Variants in CAMKMT observed in about 807,000 individuals in gnomAD.
CAMKMT encodes calmodulin-lysine N-methyltransferase, also known as CaM KMT.
A neutral mutation model predicts 48.0 loss-of-function variants in CAMKMT; 53 were observed. The ratio of observed to expected loss-of-function variants is 1.10; its 90% CI spans 0.89 to 1.39. CAMKMT has a LOEUF of 1.39. CAMKMT is among the 40% of genes most tolerant of loss of function. The pLI, the probability that CAMKMT is intolerant of heterozygous loss-of-function variation, is 0.00. For missense variants in CAMKMT, 428 were observed against 402.7 expected (o/e 1.06, Z -0.54); for synonymous variants, 165 against 152.3 (o/e 1.08, Z -0.61).
chr2:44,711,310 C>A (rs188838321), intron 6 of CAMKMT, among the ~76,000 whole-genome samples: 1 of 152,252 alleles, frequency 6.6e-6, no homozygotes, highest in Non-Finnish European at 1.5e-5. Context: ...CATGTCATTA[C>A]AGGTGCTAAA....
intron 3 of CAMKMT, among the ~76,000 whole-genome samples, chr2:44,702,367 C>T (rs1677304270): frequency 6.6e-6 from 1 of 152,178 alleles, no homozygotes; most frequent in East Asian, 1.9e-4. Context: ...CATATTCTCT[C>T]TTCCACTCTT....
chr2:44,639,396 C>T (rs1244951778), intron 3 of CAMKMT, among the ~76,000 whole-genome samples: 3 of 152,192 alleles, frequency 2.0e-5, no homozygotes, highest in African/African-American at 7.2e-5. Flanking sequence ...GTTAAGAGCA[C>T]AGATGCTGGA....
intron 3 of CAMKMT, among the ~76,000 whole-genome samples, chr2:44,641,569 T>A (rs1673455114): frequency 7.4e-6 from 1 of 134,760 alleles, no homozygotes. Flanking sequence ...TATATATATA[T>A]AATTTTGAGA....
chr2:44,651,157 A>G (rs912199274), intron 3 of CAMKMT, among the ~76,000 whole-genome samples: 1 of 152,234 alleles, frequency 6.6e-6, no homozygotes, highest in Admixed American at 6.5e-5. Flanking sequence ...TGTTCATTCA[A>G]TTGATGTTTC....
chr2:44,461,027 G>C (rs1250735772), intron 3 of CAMKMT, among the ~76,000 whole-genome samples: 1 of 152,076 alleles, frequency 6.6e-6, no homozygotes, highest in African/African-American at 2.4e-5. Flanking sequence ...CCTGCCCTGA[G>C]TGACAGATTC....
In CAMKMT at chr2:44,772,205, C is replaced by T. The variant is rs752429529; in HGVS notation, c.*92C>T. Reference sequence around the variant, plus strand: ...AATCTGTAAGGGGTATAATCGCCTGCCTGCGCCCTTTGCAGCATTTCACGT... The same window carrying T: ...AATCTGTAAGGGGTATAATCGCCTGTCTGCGCCCTTTGCAGCATTTCACGT... On this transcript the variant is annotated 3_prime_UTR_variant, in exon 11 of 11. Transcript: ENST00000378494. The T allele has an allele frequency of 1.8e-5, 19 of 1,040,738 alleles. No individual in the cohort carries two copies. The highest frequency in any genetic ancestry group is 2.7e-5 in the South Asian group (2 of 72,986). 64.5% of individuals were successfully genotyped at this position (1,040,738 alleles called of 1,614,324 possible).
At chr2:44,620,831 C>A (rs1672144817) in intron 3 of CAMKMT, among the ~76,000 whole-genome samples, 1 of 152,210 alleles carries the variant, frequency 6.6e-6, no homozygotes, top group Admixed American at 6.5e-5. Flanking sequence ...AGGCTCCACC[C>A]CTTCTTAGCT....
chr2:44,364,165 A>T (rs1405971702), intron 1 of CAMKMT, among the ~76,000 whole-genome samples: 1 of 152,046 alleles, frequency 6.6e-6, no homozygotes, highest in Non-Finnish European at 1.5e-5. Flanking sequence ...GATTCTCAGT[A>T]TAGTAAAAAC....
At chr2:44,500,828 C>T (rs760884722) in intron 3 of CAMKMT, among the ~76,000 whole-genome samples, 11 of 151,694 alleles carry the variant, frequency 7.3e-5, no homozygotes, top group Non-Finnish European at 1.2e-4. Flanking sequence ...ATTATAGGCA[C>T]GCACCATCAC....
At position 44,372,697 on chromosome 2, in the gene CAMKMT, A is replaced by T; in HGVS notation, c.139-19A>T. The T allele has an allele frequency of 6.2e-7, 1 of 1,604,380 alleles. No individual in the cohort carries two copies. On this transcript the variant is annotated intron_variant, in intron 1 of 10. Coordinates refer to ENST00000378494, the MANE Select transcript of CAMKMT (RefSeq NM_024766.5). ...TATGTTTAGATAACATGACTGCAAT[A>T]TTTGGCTTTATTTCAAAGGTTCTGA...
At chr2:44,406,216 C>T (rs1265340308) in intron 3 of CAMKMT, among the ~76,000 whole-genome samples, 1 of 152,056 alleles carries the variant, frequency 6.6e-6, no homozygotes, top group Non-Finnish European at 1.5e-5. Context: ...ATATTCTCTG[C>T]TTTCAATTAT....
At chr2:44,745,916 T>C (rs1264314726) in intron 8 of CAMKMT, among the ~76,000 whole-genome samples, 3 of 152,216 alleles carry the variant, frequency 2.0e-5, no homozygotes, top group South Asian at 2.1e-4. Context: ...GTGTGGTGTT[T>C]CTCTGTAAGA....
chr2:44,762,556 A>C (rs988169490), intron 9 of CAMKMT, among the ~76,000 whole-genome samples: 1 of 152,228 alleles, frequency 6.6e-6, no homozygotes, highest in Non-Finnish European at 1.5e-5. Context: ...CCTAATGTTA[A>C]ATGACAAGTT....
intron 3 of CAMKMT, among the ~76,000 whole-genome samples, chr2:44,548,780 A>G (rs191785073): frequency 1.3e-5 from 2 of 152,066 alleles, no homozygotes; most frequent in African/African-American, 2.4e-5. Context: ...GGAAATGGGG[A>G]CCTCAATTCT....
chr2:44,757,826 C>A (rs911049876), intron 9 of CAMKMT, among the ~76,000 whole-genome samples: 5 of 152,164 alleles, frequency 3.3e-5, no homozygotes, highest in African/African-American at 1.2e-4. Context: ...GACCCCTTGG[C>A]CTACCAAAGT....
chr2:44,412,256 T>C (rs1572806351), intron 3 of CAMKMT, among the ~76,000 whole-genome samples: 1 of 152,176 alleles, frequency 6.6e-6, no homozygotes, highest in African/African-American at 2.4e-5. Context: ...CAATGGGGGT[T>C]CAAACCAAAA....
At position 44,549,122 on chromosome 2, in the gene CAMKMT, C is replaced by G. The variant is rs1281180773; in HGVS notation, c.377-155161C>G. Among the ~76,000 whole-genome samples the G allele has an allele frequency of 2.0e-5, 3 of 152,052 alleles. No individual in the cohort carries two copies. In the East Asian group the frequency reaches 5.8e-4, roughly 29 times the overall value. ...CTTTTTCTGTTTTCAAATCTTATGT[C>G]TCTTTCTGGTACATCGGCTAAGCTC... On this transcript the variant is annotated intron_variant, in intron 3 of 10. Coordinates refer to ENST00000378494, the MANE Select transcript of CAMKMT (RefSeq NM_024766.5).
intron 3 of CAMKMT, among the ~76,000 whole-genome samples, chr2:44,611,606 A>G (rs1671603113): frequency 6.6e-6 from 1 of 152,146 alleles, no homozygotes; most frequent in African/African-American, 2.4e-5. Context: ...GAGTTTAAAT[A>G]ATATTTTCTT....
At chr2:44,707,801 A>G (rs887675015) in intron 6 of CAMKMT, among the ~76,000 whole-genome samples, 1 of 152,080 alleles carries the variant, frequency 6.6e-6, no homozygotes, top group African/African-American at 2.4e-5. Context: ...ATTATTTGGT[A>G]TTTATTGTAT....
Sources: allele counts gnomAD v4.1 joint callset (sites outside exome capture counted in the v4.1 genomes callset), GRCh38; gene constraint gnomAD v4.1.1; transcripts MANE v1.5; gene names NCBI Gene and HGNC (gene_info 2026-07-23, HGNC 2026-07-21).